Variants in GNAS-AS1 observed in about 807,000 individuals in gnomAD.
GNAS-AS1 encodes the protein GNAS antisense RNA 1 (non-protein coding).
At chr20:58,829,872 T>A (rs1475046576) in intron 4 of GNAS-AS1, among the ~76,000 whole-genome samples, 1 of 152,044 alleles carries the variant, frequency 6.6e-6, no homozygotes, top group Non-Finnish European at 1.5e-5. Flanking sequence ...TATTTCCAGA[T>A]CCCCCTCACT....
At position 58,841,639 on chromosome 20, in the gene GNAS-AS1, CCGG is replaced by C; in HGVS notation, n.819+295_819+297del. ...CCGCGCGCGCCGGAGCTGACCTCTC[CCGG>C]CGGCGGGCGGTTAGGGGAAAGTACC... is the stretch of plus-strand genomic sequence containing the variant. On this transcript the variant is annotated intron_variant and non_coding_transcript_variant, in intron 4 of 4. Coordinates refer to ENST00000424094, the Ensembl canonical transcript of GNAS-AS1. The surrounding 1 kb of genome is among the most constrained non-coding windows in gnomAD (Gnocchi z 5.0). 6.4e-6 allele frequency: 7 copies of C among 1,094,052 alleles called. No individual in the cohort carries two copies. Among genetic ancestry groups the C allele is most frequent in the Non-Finnish European group, 7.8e-6 (7 of 900,332 alleles). The allele number at this position is 1,094,052 out of a possible 1,614,324, so 67.8% of individuals were successfully genotyped here.
intron 4 of GNAS-AS1, among the ~76,000 whole-genome samples, chr20:58,827,937 G>C (rs6128441): frequency 2.0e-5 from 3 of 152,008 alleles, no homozygotes. Flanking sequence ...AATTGCATGC[G>C]CAGTTACACA....
At chr20:58,834,441 T>C (rs1299778979) in intron 4 of GNAS-AS1, 2 of 152,194 alleles carry the variant, frequency 1.3e-5, no homozygotes, top group Non-Finnish European at 2.9e-5. Flanking sequence ...ACAAGCTCAG[T>C]GTAGGTCCGG....
At chr20:58,839,637 C>T (rs2085648576) in intron 4 of GNAS-AS1, 3 of 427,712 alleles carry the variant, frequency 7.0e-6, no homozygotes, top group South Asian at 8.4e-5. Flanking sequence ...ACAGGCTCGG[C>T]GCCACCACGC....
intron 4 of GNAS-AS1, chr20:58,834,591 T>C (rs528457037): frequency 1.3e-5 from 2 of 152,282 alleles, no homozygotes; most frequent in Admixed American, 1.3e-4. Flanking sequence ...TGTACCCCTC[T>C]TGGGTACTGA....
At chr20:58,839,812 C>A (rs61558260) in intron 4 of GNAS-AS1, 2 of 585,224 alleles carry the variant, frequency 3.4e-6, no homozygotes, top group Admixed American at 3.2e-5. Context: ...TCTTAGGCTG[C>A]GGAATCTAAG....
At position 58,840,246 on chromosome 20, in the gene GNAS-AS1, C is replaced by A; in HGVS notation, n.819+1691G>T. On this transcript the variant is annotated intron_variant and non_coding_transcript_variant, in intron 4 of 4. Transcript: ENST00000424094. This position sits in a 1 kb window ranked among gnomAD's most constrained non-coding sequence, Gnocchi z 6.0. ...ATCGCGCTCCTCCGCGCCCTTGCCACCTCCAACGCCCGTGCCCAGCAGCGC... is the reference window on the plus strand; with the variant it reads ...ATCGCGCTCCTCCGCGCCCTTGCCAACTCCAACGCCCGTGCCCAGCAGCGC... 1 of 1,611,338 alleles carries A rather than the reference C, an allele frequency of 6.2e-7. No individual in the cohort carries two copies. The highest frequency in any genetic ancestry group is 8.5e-7 in the Non-Finnish European group (1 of 1,179,814).
At chr20:58,838,313 G>C (rs561112731) in intron 4 of GNAS-AS1, among the ~76,000 whole-genome samples, 24 of 152,276 alleles carry the variant, frequency 1.6e-4, no homozygotes, top group African/African-American at 5.5e-4. Context: ...GGCCAAGAAA[G>C]AGCGGCACTA....
At chr20:58,850,788 C>T (rs982809062) in exon 1 of GNAS-AS1, 9 of 398,730 alleles carry the variant, frequency 2.3e-5, no homozygotes, top group Middle Eastern at 6.2e-4. Flanking sequence ...AAGAGTGACC[C>T]CACGGCGCTA....
intron 4 of GNAS-AS1, chr20:58,839,968 A>G (rs931758983): frequency 1.2e-6 from 1 of 848,608 alleles, no homozygotes; most frequent in Non-Finnish European, 1.9e-6. Flanking sequence ...TCTCCTCACA[A>G]GGAGGTGAGG....
Position 58,840,784 on chromosome 20 carries a change from C to T in GNAS-AS1, n.819+1153G>A, listed in dbSNP as rs759229542. Reference sequence around the variant, plus strand: ...GCTGCAAGCCAAAGAAGCCCACCCGCCGTGACGCGTCCCCGGAGTCCCCTT... The same window carrying T: ...GCTGCAAGCCAAAGAAGCCCACCCGTCGTGACGCGTCCCCGGAGTCCCCTT... On this transcript the variant is annotated intron_variant and non_coding_transcript_variant, in intron 4 of 4. Transcript: ENST00000424094. This position sits in a 1 kb window ranked among gnomAD's most constrained non-coding sequence, Gnocchi z 6.0. The T allele has an allele frequency of 6.2e-7, 1 of 1,611,174 alleles. No individual in the cohort carries two copies. Among genetic ancestry groups the T allele is most frequent in the East Asian group, 2.2e-5 (1 of 44,856 alleles).
chr20:58,840,386 G>A lies in GNAS-AS1; in HGVS notation n.819+1551C>T, dbSNP rs773416371. 2 of 1,613,508 alleles carry A rather than the reference G, an allele frequency of 1.2e-6. No homozygotes were observed. Among genetic ancestry groups the A allele is most frequent in the Non-Finnish European group, 1.7e-6 (2 of 1,180,014 alleles). On this transcript the variant is annotated intron_variant and non_coding_transcript_variant, in intron 4 of 4. Coordinates refer to ENST00000424094, the Ensembl canonical transcript of GNAS-AS1. The surrounding 1 kb of genome is among the most constrained non-coding windows in gnomAD (Gnocchi z 6.0). ...CCACGAGCACGAGGAGGCAGACCTT[G>A]AGCTGTCCCTCCCCGAGTGCCTAGA... is the stretch of plus-strand genomic sequence containing the variant.
At chr20:58,831,935 T>C (rs2085571068) in intron 4 of GNAS-AS1, among the ~76,000 whole-genome samples, 1 of 152,204 alleles carries the variant, frequency 6.6e-6, no homozygotes, top group South Asian at 2.1e-4. Context: ...CTACAACATC[T>C]TTCGTTTTCT....
rs1015596292 is a variant in GNAS-AS1 at position 58,841,594 on chromosome 20, C to A, written n.819+343G>T. 6.2e-5 allele frequency: 63 copies of A among 1,021,062 alleles called. No homozygotes were observed. The highest frequency in any genetic ancestry group is 7.1e-5 in the Non-Finnish European group (61 of 853,852). 63.3% of individuals were successfully genotyped at this position (1,021,062 alleles called of 1,614,324 possible). A position where few individuals can be genotyped will look rare whatever the true frequency, so the allele number is the denominator to read the frequency against. ...GTCGCTCGCGGGACAGAGACCGCCT[C>A]AAAGAGCGTGCGCACCTGCCCGCGC... On this transcript the variant is annotated intron_variant and non_coding_transcript_variant, in intron 4 of 4. Coordinates refer to ENST00000424094, the Ensembl canonical transcript of GNAS-AS1. The surrounding 1 kb of genome is among the most constrained non-coding windows in gnomAD (Gnocchi z 5.0).
At chr20:58,823,630 T>C (rs767187464) in intron 4 of GNAS-AS1, among the ~76,000 whole-genome samples, 2 of 152,228 alleles carry the variant, frequency 1.3e-5, no homozygotes, top group Admixed American at 6.5e-5. Flanking sequence ...ACATGGATGG[T>C]GACAACTGCC....
chr20:58,838,931 A>C (rs993981680), intron 4 of GNAS-AS1: 3 of 397,072 alleles, frequency 7.6e-6, no homozygotes, highest in African/African-American at 4.1e-5. Flanking sequence ...AAAAAAAAAA[A>C]AAAAAAAAAA....
intron 4 of GNAS-AS1, among the ~76,000 whole-genome samples, chr20:58,819,977 G>A (rs1488910033): frequency 6.6e-6 from 1 of 152,232 alleles, no homozygotes; most frequent in East Asian, 1.9e-4. Context: ...CAGAAAAGGG[G>A]TGCTGAATGC....
chr20:58,840,975 G>A lies in GNAS-AS1; in HGVS notation n.819+962C>T. ...GAGGTGAGAAGGAAAGGCAGGTCAGGGGCGAGTGGGAAGAGAGGAGGCTCA... is the reference window on the plus strand; with the variant it reads ...GAGGTGAGAAGGAAAGGCAGGTCAGAGGCGAGTGGGAAGAGAGGAGGCTCA... On this transcript the variant is annotated intron_variant and non_coding_transcript_variant, in intron 4 of 4. Coordinates refer to ENST00000424094, the Ensembl canonical transcript of GNAS-AS1. This position sits in a 1 kb window ranked among gnomAD's most constrained non-coding sequence, Gnocchi z 6.0. 8 of 1,388,588 alleles carry A rather than the reference G, an allele frequency of 5.8e-6. No individual in the cohort carries two copies. The highest frequency in any genetic ancestry group is 7.0e-6 in the Non-Finnish European group (7 of 999,108). The allele number at this position is 1,388,588 out of a possible 1,614,324, so 86.0% of individuals were successfully genotyped here.
At position 58,833,307 on chromosome 20, in the gene GNAS-AS1, A is replaced by G. The variant is rs1034700407; in HGVS notation, n.819+8630T>C. On this transcript the variant is annotated intron_variant and non_coding_transcript_variant, in intron 4 of 4. Transcript: ENST00000424094. ...ACGGCTGCTTCCTGAGGGAACTTCT[A>G]GACCAGTAAAGGGAAGGACTCCCAA... Among the ~76,000 whole-genome samples, 3 of 152,194 alleles carry G rather than the reference A, an allele frequency of 2.0e-5. No individual in the cohort carries two copies. In the South Asian group the frequency reaches 6.2e-4, roughly 31 times the overall value.
Sources: gnomAD v4.1 joint callset for allele counts (sites outside exome capture counted in the v4.1 genomes callset) on GRCh38, gnomAD v4.1.1 for gene constraint, Gnocchi (gnomAD v3.1) non-coding constraint, MANE v1.5 for transcripts, NCBI Gene and HGNC (gene_info 2026-07-23, HGNC 2026-07-21) for gene names.